Variants in PRKAR1B observed in about 807,000 individuals in gnomAD.
PRKAR1B encodes the protein cAMP-dependent protein kinase type I-beta regulatory subunit.
A neutral mutation model predicts 46.5 loss-of-function variants in PRKAR1B; 22 were observed. The ratio of observed to expected loss-of-function variants is 0.47; its 90% CI spans 0.34 to 0.68. PRKAR1B has a LOEUF of 0.68. Among genes scored for constraint, PRKAR1B ranks in the 30% least tolerant of loss-of-function variants. The pLI is 0.01. For synonymous variants in PRKAR1B, 259 were observed against 217.7 expected, an observed-to-expected ratio of 1.19 and a Z score of -1.67; for missense variants, 445 against 535.6, an observed-to-expected ratio of 0.83 and a Z score of 1.67.
intron 2 of PRKAR1B, 30 bp from the exon 3 acceptor site, chr7:680,756 A>T: frequency 6.2e-7 from 1 of 1,613,254 alleles, no homozygotes. Context: ...ACAGAAAGGA[A>T]GTAAGAACCT....
At chr7:584,070 G>A (rs1314736778) in intron 8 of PRKAR1B, among the ~76,000 whole-genome samples, 1 of 152,232 alleles carries the variant, frequency 6.6e-6, no homozygotes, top group Non-Finnish European at 1.5e-5. Flanking sequence ...AAGGGCAGAG[G>A]CGGCTCCCAG....
At chr7:715,963 C>T (rs561882495) in intron 1 of PRKAR1B, among the ~76,000 whole-genome samples, 2 of 152,298 alleles carry the variant, frequency 1.3e-5, no homozygotes, top group Non-Finnish European at 2.9e-5. Flanking sequence ...GATCCGCCCG[C>T]CTTGGCCTCC....
chr7:595,176 A>C (rs1392872009), intron 7 of PRKAR1B, among the ~76,000 whole-genome samples: 2 of 152,220 alleles, frequency 1.3e-5, no homozygotes, highest in Middle Eastern at 3.4e-3. Flanking sequence ...CCTCATCCAC[A>C]CAGGCCCCTC....
At chr7:561,247 CACAA>C (rs1024349546) in intron 9 of PRKAR1B, among the ~76,000 whole-genome samples, 8 of 151,498 alleles carry the variant, frequency 5.3e-5, no homozygotes, top group South Asian at 2.1e-4. Context: ...CACACCTAGG[CACAA>C]ACACACAGGC....
intron 2 of PRKAR1B, among the ~76,000 whole-genome samples, chr7:688,280 C>T (rs1779212182): frequency 6.6e-6 from 1 of 151,368 alleles, no homozygotes; most frequent in Non-Finnish European, 1.5e-5. Flanking sequence ...TGGCATGTGC[C>T]TGTAATCCCA....
intron 4 of PRKAR1B, among the ~76,000 whole-genome samples, chr7:635,856 G>T (rs957863300): frequency 6.6e-6 from 1 of 151,940 alleles, no homozygotes; most frequent in Non-Finnish European, 1.5e-5. Context: ...CCACTTAATC[G>T]CCAGGCCTCA....
chr7:588,595 C>CGGTGGTGATGGTGAT (rs1381177668), intron 7 of PRKAR1B, among the ~76,000 whole-genome samples: 4 of 24,058 alleles, frequency 1.7e-4, no homozygotes, highest in East Asian at 9.8e-4. Flanking sequence ...GTGGTGATGA[C>CGGTGGTGATGGTGAT]GGTGGTGATG....
At chr7:625,870 T>A (rs2128475889) in intron 4 of PRKAR1B, among the ~76,000 whole-genome samples, 1 of 152,124 alleles carries the variant, frequency 6.6e-6, no homozygotes, top group South Asian at 2.1e-4. Flanking sequence ...TAGCTGGGCA[T>A]GGTGGCAGGC....
At chr7:687,515 C>G (rs191496182) in intron 2 of PRKAR1B, among the ~76,000 whole-genome samples, 297 of 152,264 alleles carry the variant, frequency 2.0e-3, no homozygotes, top group African/African-American at 6.9e-3. Flanking sequence ...AATATCCAGA[C>G]TGCAGTACAA....
Position 680,650 on chromosome 7 carries a change from G to C in PRKAR1B, c.254C>G (p.Thr85Ser), listed in dbSNP as rs770020244. The C allele has an allele frequency of 3.2e-5, 52 of 1,613,220 alleles. No homozygotes were observed. Among genetic ancestry groups the C allele is most frequent in the Non-Finnish European group, 4.2e-5 (50 of 1,179,812 alleles). The stretch of plus-strand genomic sequence containing the variant: ...GGCCTTCACCACAGGGTTCGGGGGG[G>C]TGGGCGACACCTCCTCATCATGGGA... ...SDSHDEEVSPTPPNPVVKARR... is the reference protein window; with the variant it reads ...SDSHDEEVSPSPPNPVVKARR... The change falls in exon 3 of 11, where the codon ACC becomes AGC. Residue 85 changes from threonine (T) to serine (S), a missense_variant. Thr to Ser is a moderately conservative substitution (Grantham distance 58). Coordinates refer to ENST00000537384, the MANE Select transcript of PRKAR1B (RefSeq NM_001164760.2).
chr7:616,011 A>AGAG (rs1288879711), intron 4 of PRKAR1B, among the ~76,000 whole-genome samples: 1 of 150,334 alleles, frequency 6.7e-6, no homozygotes. Context: ...AGGAAGAAAG[A>AGAG]GAGAGAGAGA....
chr7:553,542 C>T (rs530894766), intron 9 of PRKAR1B, among the ~76,000 whole-genome samples: 19 of 152,370 alleles, frequency 1.2e-4, no homozygotes, highest in African/African-American at 4.1e-4. Context: ...CGGCACCATC[C>T]GGGTACCCAG....
intron 4 of PRKAR1B, among the ~76,000 whole-genome samples, chr7:638,199 G>T (rs538388593): frequency 1.3e-4 from 20 of 152,218 alleles, no homozygotes; most frequent in Non-Finnish European, 2.4e-4. Flanking sequence ...ACCCCTGTGA[G>T]CTCCTCGACT....
chr7:596,890 G>A (rs773102328), intron 6 of PRKAR1B, among the ~76,000 whole-genome samples: 4 of 152,258 alleles, frequency 2.6e-5, no homozygotes, highest in Non-Finnish European at 5.9e-5. Context: ...TACAGGCAGC[G>A]CCTGAGCTCC....
chr7:581,108 C>T (rs1247494603), intron 8 of PRKAR1B, among the ~76,000 whole-genome samples: 1 of 152,130 alleles, frequency 6.6e-6, no homozygotes, highest in Non-Finnish European at 1.5e-5. Context: ...TCGAGACCAT[C>T]CTGGCTAACA....
rs1286348253 is a variant in PRKAR1B, at chr7:593,626, C to T, written c.708+2520G>A. Among the ~76,000 whole-genome samples the T allele has an allele frequency of 2.6e-5, 4 of 152,190 alleles. No individual in the cohort carries two copies. Among genetic ancestry groups the T allele is most frequent in the Non-Finnish European group, 4.4e-5 (3 of 68,036 alleles). ...AGATGGGAACCGCTGTGCCCTCTTCCTGCCCCAAAACCGCTCCAGCCCCTC... is the reference window on the plus strand; with the variant it reads ...AGATGGGAACCGCTGTGCCCTCTTCTTGCCCCAAAACCGCTCCAGCCCCTC... On this transcript the variant is annotated intron_variant, in intron 7 of 10. Coordinates refer to ENST00000537384, the MANE Select transcript of PRKAR1B (RefSeq NM_001164760.2). The surrounding 1 kb of genome is among the most constrained non-coding windows in gnomAD (Gnocchi z 6.1).
intron 2 of PRKAR1B, among the ~76,000 whole-genome samples, chr7:703,971 A>G (rs562073787): frequency 5.9e-5 from 9 of 152,340 alleles, no homozygotes; most frequent in African/African-American, 2.2e-4. Flanking sequence ...AATAAGATGA[A>G]CCAAAGAGGA....
At chr7:723,442 C>T (rs1199178329) in intron 1 of PRKAR1B, among the ~76,000 whole-genome samples, 1 of 152,192 alleles carries the variant, frequency 6.6e-6, no homozygotes, top group African/African-American at 2.4e-5. Context: ...AGGGGACCCA[C>T]CACCTTGCTA....
chr7:596,295 T>C lies in PRKAR1B; in HGVS notation c.559A>G (p.Asn187Asp). The change falls in exon 7 of 11, where the codon AAC (asparagine) becomes GAC (aspartate). Residue 187 changes from asparagine to aspartate, a missense_variant. Coordinates refer to ENST00000537384, the MANE Select transcript of PRKAR1B (RefSeq NM_001164760.2). ...VDQGEVDVYVNGEWVTNISEG... is the reference protein window; with the variant it reads ...VDQGEVDVYVDGEWVTNISEG... ...CTGATGTTGGTCACCCACTCTCCGTTCACGTACACCTTTGGGGAGCAAGAG... is the reference window on the plus strand; with the variant it reads ...CTGATGTTGGTCACCCACTCTCCGTCCACGTACACCTTTGGGGAGCAAGAG... 1 of 1,612,538 alleles carries C rather than the reference T, an allele frequency of 6.2e-7. No homozygotes were observed. The highest frequency in any genetic ancestry group is 1.1e-5 in the South Asian group (1 of 90,952).
Sources: gnomAD v4.1 joint callset for allele counts (sites outside exome capture counted in the v4.1 genomes callset) on GRCh38, gnomAD v4.1.1 for gene constraint, Gnocchi (gnomAD v3.1) non-coding constraint, MANE v1.5 for transcripts, NCBI Gene and HGNC (gene_info 2026-07-23, HGNC 2026-07-21) for gene names.